The following CUBN variants were observed in gnomAD, a reference collection of about 807,000 sequenced individuals.
CUBN encodes the protein 460 kDa receptor.
In CUBN, 282 loss-of-function variants were observed where a neutral mutation model predicts 405.3. The observed-to-expected ratio is 0.70, with a 90% CI of 0.63 to 0.77. CUBN has a LOEUF of 0.77. Among genes scored for constraint, CUBN ranks in the 30% least tolerant of loss-of-function variants. The pLI is 0.00. For synonymous variants in CUBN, 1,684 were observed against 1,617.0 expected, an observed-to-expected ratio of 1.04 and a Z score of -0.99; for missense variants, 4,514 against 4,475.2, an observed-to-expected ratio of 1.01 and a Z score of -0.25.
intron 31 of CUBN, among the ~76,000 whole-genome samples, chr10:16,968,405 A>G (rs1347382426): frequency 1.3e-5 from 2 of 151,946 alleles, no homozygotes; most frequent in Non-Finnish European, 2.9e-5. Flanking sequence ...GTTACTAATC[A>G]TATTGCTTTT....
chr10:16,898,187 A>G (rs1280086613), intron 54 of CUBN, among the ~76,000 whole-genome samples: 1 of 152,016 alleles, frequency 6.6e-6, no homozygotes, highest in Non-Finnish European at 1.5e-5. Flanking sequence ...ACTGACAATA[A>G]AAGCCACTTT....
Position 17,127,353 on chromosome 10 carries a change from C to T in CUBN, c.348+476G>A, listed in dbSNP as rs138006281. Among the ~76,000 whole-genome samples, 906 of 148,496 alleles carry T rather than the reference C, an allele frequency of 6.1e-3. 4 individuals are homozygous for T. Among genetic ancestry groups the T allele is most frequent in the Non-Finnish European group, 0.01 (676 of 67,186 alleles). On this transcript the variant is annotated intron_variant, in intron 3 of 66. Coordinates refer to ENST00000377833, the MANE Select transcript of CUBN (RefSeq NM_001081.4). ...TGATCATAGCTCACTGCAGTCTCAA[C>T]CTCCCTGGCTCAAGCCATCCTCCCA...
rs773526471 is a variant in CUBN, at chr10:16,933,259, C to T, written c.5952G>A (p.Thr1984=). 2.8e-5 allele frequency: 45 copies of T among 1,613,630 alleles called. No homozygotes were observed. The highest frequency in any genetic ancestry group is 2.0e-4 in the South Asian group (18 of 91,068). ...APGACGGFLR[T]GDAPVFLFSP... ...AGAAGAGAAACACGGGTGCATCTCC[C>T]GTCCTCAGGAAGCCACCACAAGCAC... is the stretch of plus-strand genomic sequence containing the variant. The change falls in exon 40 of 67, where the codon ACG becomes ACA. Residue 1984 remains threonine, a synonymous_variant. Coordinates refer to ENST00000377833, the MANE Select transcript of CUBN (RefSeq NM_001081.4).
chr10:17,070,559 C>G (rs1211271621), intron 19 of CUBN, among the ~76,000 whole-genome samples: 1 of 152,116 alleles, frequency 6.6e-6, no homozygotes, highest in African/African-American at 2.4e-5. Flanking sequence ...TTTATAGTCT[C>G]AGAGGACAAG....
At position 16,963,187 on chromosome 10, in the gene CUBN, C is replaced by T. The variant is rs796278864; in HGVS notation, c.4696-8639G>A. On this transcript the variant is annotated intron_variant, in intron 31 of 66. Coordinates refer to ENST00000377833, the MANE Select transcript of CUBN (RefSeq NM_001081.4). ...ATACATTTCTTTTTTCTTTTCTTTT[C>T]TTTTTTTTCTTTTTTTTTTTTTTTT... is the stretch of plus-strand genomic sequence containing the variant. 2.9e-3 allele frequency among the ~76,000 whole-genome samples: 245 copies of T among 84,368 alleles called. 5 individuals carry two copies. The highest frequency in any genetic ancestry group is 0.01 in the African/African-American group (211 of 20,682). The allele number at this position is 84,368 out of a possible 152,430, so 55.3% of individuals were successfully genotyped here.
rs12257547 is a variant in CUBN, at chr10:17,128,550, C to T, written c.252+571G>A. 8.1e-3 allele frequency among the ~76,000 whole-genome samples: 1,230 copies of T among 152,324 alleles called. 20 individuals are homozygous for T. The highest frequency in any genetic ancestry group is 0.027 in the African/African-American group (1,135 of 41,566). On this transcript the variant is annotated intron_variant, in intron 2 of 66. Transcript: ENST00000377833. Reference sequence around the variant, plus strand: ...CACATGTCCACATATCCTTGGTCCCCTACTTCCTCGCATCCCCTGTGGAGG... The same window carrying T: ...CACATGTCCACATATCCTTGGTCCCTTACTTCCTCGCATCCCCTGTGGAGG...
chr10:16,913,359 G>C (rs1047890211), intron 48 of CUBN, among the ~76,000 whole-genome samples: 3 of 152,174 alleles, frequency 2.0e-5, no homozygotes, highest in Non-Finnish European at 4.4e-5. Context: ...GAAACCACTG[G>C]AGGTTGGTGA....
intron 6 of CUBN, 53 bp from the exon 7 acceptor site, chr10:17,115,650 C>G (rs910649121): frequency 1.3e-6 from 2 of 1,596,842 alleles, no homozygotes; most frequent in African/African-American, 2.7e-5. Context: ...GGGCCAGTGC[C>G]TGTCTCTTAA....
At chr10:16,975,974 T>C (rs1489380778) in intron 31 of CUBN, among the ~76,000 whole-genome samples, 1 of 150,348 alleles carries the variant, frequency 6.7e-6, no homozygotes, top group East Asian at 2.0e-4. Flanking sequence ...TTATTCCTTT[T>C]TTTTTTTTTT....
chr10:16,943,947 GC>G (rs1178834534), intron 36 of CUBN, among the ~76,000 whole-genome samples: 1 of 152,208 alleles, frequency 6.6e-6, no homozygotes, highest in Non-Finnish European at 1.5e-5. Flanking sequence ...GCTTTATTAT[GC>G]TTGGAAGTCT....
rs752140401 is a variant in CUBN at position 16,851,388 on chromosome 10, A to G, written c.9510T>C (p.Ser3170=). 11 of 1,614,052 alleles carry G rather than the reference A, an allele frequency of 6.8e-6. No homozygotes were observed. In the South Asian group the frequency reaches 1.2e-4, roughly 18 times the overall value. ...YLTGSNNTFA[S]PDSDSNGMYD... ...ACATTCCATTCGAATCAGAATCAGG[A>G]GAGGCAAAGGTATTATTCGAGCCTG... is the stretch of plus-strand genomic sequence containing the variant. The change falls in exon 60 of 67, where the codon TCT becomes TCC. Residue 3170 remains serine (S), a synonymous_variant. Transcript: ENST00000377833.
intron 19 of CUBN, among the ~76,000 whole-genome samples, chr10:17,070,140 A>T (rs1835705620): frequency 1.3e-5 from 2 of 152,032 alleles, no homozygotes; most frequent in African/African-American, 4.8e-5. Flanking sequence ...TTCTCCATTG[A>T]TATGTTTTGG....
At chr10:16,915,593 C>T (rs1252600772) in intron 46 of CUBN, among the ~76,000 whole-genome samples, 1 of 152,136 alleles carries the variant, frequency 6.6e-6, no homozygotes, top group East Asian at 1.9e-4. Flanking sequence ...CGTTGCTCTC[C>T]CCAAGTGGCC....
chr10:17,073,881 T>C (rs539719725), intron 17 of CUBN, among the ~76,000 whole-genome samples: 5 of 152,172 alleles, frequency 3.3e-5, no homozygotes, highest in Admixed American at 1.3e-4. Flanking sequence ...ATGGGATTGT[T>C]GAAGCAAACA....
chr10:16,848,427 C>G (rs1839582572), intron 60 of CUBN, among the ~76,000 whole-genome samples: 1 of 152,192 alleles, frequency 6.6e-6, no homozygotes, highest in African/African-American at 2.4e-5. Context: ...TTATGTCAGG[C>G]ACAGTGCTAA....
chr10:16,876,492 CTCTTA>C (rs1840505707), intron 57 of CUBN, among the ~76,000 whole-genome samples: 1 of 152,090 alleles, frequency 6.6e-6, no homozygotes, highest in Non-Finnish European at 1.5e-5. Flanking sequence ...TAAAGACATT[CTCTTA>C]TATTTCTTCT....
In CUBN at chr10:17,129,261, C is replaced by T. The variant is rs764788194; in HGVS notation, c.123-11G>A. On this transcript the variant is annotated splice_polypyrimidine_tract_variant and intron_variant, in intron 1 of 66. Transcript: ENST00000377833. ...GTAGCCATTCGAGGCCTATATAATTCAAACGAGAGAATGCATCAGTAATTA... is the reference window on the plus strand; with the variant it reads ...GTAGCCATTCGAGGCCTATATAATTTAAACGAGAGAATGCATCAGTAATTA... 2 of 1,613,172 alleles carry T rather than the reference C, an allele frequency of 1.2e-6. No individual in the cohort carries two copies. The highest frequency in any genetic ancestry group is 3.3e-5 in the Admixed American group (2 of 60,010).
chr10:16,918,580 G>A, intron 45 of CUBN, 42 bp downstream of exon 45: 1 of 1,472,068 alleles, frequency 6.8e-7, no homozygotes, highest in Non-Finnish European at 9.4e-7. Flanking sequence ...ATCTGCACAT[G>A]TACCCCTGAA....
At chr10:16,921,484 G>A (rs1484894314) in intron 43 of CUBN, among the ~76,000 whole-genome samples, 2 of 151,984 alleles carry the variant, frequency 1.3e-5, no homozygotes, top group South Asian at 2.1e-4. Context: ...TCAACCCTAT[G>A]AAAGCACTCA....
Sources: gnomAD v4.1 joint callset for allele counts (sites outside exome capture counted in the v4.1 genomes callset) on GRCh38, gnomAD v4.1.1 for gene constraint, MANE v1.5 for transcripts, NCBI Gene and HGNC (gene_info 2026-07-23, HGNC 2026-07-21) for gene names.